AGAP1: variants seen among roughly 807,000 people sequenced by gnomAD.
AGAP1 encodes the protein ArfGAP with GTPase domain, ankyrin repeat and PH domain 1.
AGAP1 carries 29 observed loss-of-function variants against 105.3 expected under a neutral mutation model. That is an observed-to-expected ratio of 0.28 (90% CI 0.21 to 0.38). The LOEUF is 0.38. Among genes scored for constraint, AGAP1 ranks in the 10% least tolerant of loss-of-function variants. AGAP1 has a pLI of 1.00. For synonymous variants in AGAP1, 509 were observed against 485.9 expected, an observed-to-expected ratio of 1.05 and a Z score of -0.63; for missense variants, 998 against 1,165.1, an observed-to-expected ratio of 0.86 and a Z score of 2.09.
At chr2:235,562,290 A>G (rs894445544) in intron 1 of AGAP1, among the ~76,000 whole-genome samples, 4 of 152,112 alleles carry the variant, frequency 2.6e-5, no homozygotes, top group African/African-American at 9.7e-5. Flanking sequence ...AAGTGATTAT[A>G]GCACGTGATT....
intron 1 of AGAP1, among the ~76,000 whole-genome samples, chr2:235,641,688 ATATTT>A (rs1947203540): frequency 1.3e-5 from 2 of 152,218 alleles, no homozygotes; most frequent in East Asian, 1.9e-4. Flanking sequence ...TTAAAAATAC[ATATTT>A]TATTTATTTC....
At chr2:235,514,062 T>C (rs1194126526) in intron 1 of AGAP1, among the ~76,000 whole-genome samples, 1 of 152,252 alleles carries the variant, frequency 6.6e-6, no homozygotes, top group Non-Finnish European at 1.5e-5. Flanking sequence ...TGTGGGTGTT[T>C]ATGTGTACAG....
chr2:235,562,899 A>G (rs1461519717), intron 1 of AGAP1, among the ~76,000 whole-genome samples: 1 of 152,096 alleles, frequency 6.6e-6, no homozygotes, highest in Admixed American at 6.5e-5. Flanking sequence ...CTCTTTTAAA[A>G]AATACAAAAA....
At chr2:236,116,350 TTAAG>T (rs2059768942) in intron 16 of AGAP1, among the ~76,000 whole-genome samples, 1 of 140,136 alleles carries the variant, frequency 7.1e-6, no homozygotes, top group Admixed American at 7.1e-5. Context: ...ATTTGGTTAA[TTAAG>T]TTCTTTTTTT....
At chr2:236,028,590 C>T (rs922167963) in intron 13 of AGAP1, among the ~76,000 whole-genome samples, 2 of 152,154 alleles carry the variant, frequency 1.3e-5, no homozygotes, top group African/African-American at 2.4e-5. Flanking sequence ...CATTTGCCAA[C>T]TGCTGTTATG....
At chr2:235,764,030 T>TGACCCGTGCGTGGCTG (rs552845949) in intron 6 of AGAP1, among the ~76,000 whole-genome samples, 14 of 140,832 alleles carry the variant, frequency 9.9e-5, no homozygotes, top group East Asian at 2.0e-4. Flanking sequence ...GTGCGTGGCT[T>TGACCCGTGCGTGGCTG]TGGCCCGTGC....
intron 16 of AGAP1, among the ~76,000 whole-genome samples, chr2:236,085,679 G>A (rs2058910656): frequency 6.6e-6 from 1 of 152,248 alleles, no homozygotes; most frequent in Admixed American, 6.5e-5. Flanking sequence ...GAGGACTGGG[G>A]GCTGGAAGAG....
At chr2:235,798,700 G>T (rs755163103) in intron 7 of AGAP1, among the ~76,000 whole-genome samples, 1 of 151,910 alleles carries the variant, frequency 6.6e-6, no homozygotes, top group Non-Finnish European at 1.5e-5. Flanking sequence ...CAACGTGGCA[G>T]AACCACACCT....
Position 236,122,771 on chromosome 2 carries a change from C to T in AGAP1, c.2371-1148C>T, listed in dbSNP as rs183320460. ...GATCTCGGCTCACTGCAACCTCTGC[C>T]TCCCGGGTTCAAGCAATTCTCCTGC... is the stretch of plus-strand genomic sequence containing the variant. On this transcript the variant is annotated intron_variant, in intron 17 of 17. Transcript: ENST00000304032. Among the ~76,000 whole-genome samples, 211 of 150,066 alleles carry T rather than the reference C, an allele frequency of 1.4e-3. 3 individuals are homozygous for T. Among genetic ancestry groups the T allele is most frequent in the Middle Eastern group, 7.2e-3 (2 of 278 alleles).
intron 1 of AGAP1, among the ~76,000 whole-genome samples, chr2:235,696,784 G>A (rs1006723731): frequency 6.6e-6 from 1 of 152,016 alleles, no homozygotes; most frequent in African/African-American, 2.4e-5. Flanking sequence ...CCTTATACGA[G>A]ACCATCCCAG....
chr2:236,009,624 C>A lies in AGAP1; in HGVS notation c.1646-26937C>A, dbSNP rs1215667543. On this transcript the variant is annotated intron_variant, in intron 13 of 17. Transcript: ENST00000304032. This position sits in a 1 kb window ranked among gnomAD's most constrained non-coding sequence, Gnocchi z 4.2. ...AATAGAGAGGGCTATTTGTTTCATTCAAAGACAAGACATTGTTAGAAATGA... is the reference window on the plus strand; with the variant it reads ...AATAGAGAGGGCTATTTGTTTCATTAAAAGACAAGACATTGTTAGAAATGA... Among the ~76,000 whole-genome samples, 2 of 152,150 alleles carry A rather than the reference C, an allele frequency of 1.3e-5. No homozygotes were observed. Among genetic ancestry groups the A allele is most frequent in the Admixed American group, 6.5e-5 (1 of 15,286 alleles).
chr2:235,617,667 A>C (rs560368767), intron 1 of AGAP1, among the ~76,000 whole-genome samples: 2 of 152,302 alleles, frequency 1.3e-5, no homozygotes, highest in African/African-American at 2.4e-5. Context: ...CCGCCACTGC[A>C]CTCCAGCCTT....
Position 235,655,902 on chromosome 2 carries a change from G to A in AGAP1, c.164-53277G>A, listed in dbSNP as rs1368476454. ...TGGAATATGACCCTGGGTTTTGTAT[G>A]GAAAAGGGAGGGGGCAGTGCAGGAT... is the stretch of plus-strand genomic sequence containing the variant. On this transcript the variant is annotated intron_variant, in intron 1 of 17. Transcript: ENST00000304032. The surrounding 1 kb of genome is among the most constrained non-coding windows in gnomAD (Gnocchi z 4.3). Among the ~76,000 whole-genome samples, 3 of 152,210 alleles carry A rather than the reference G, an allele frequency of 2.0e-5. No homozygotes were observed. The highest frequency in any genetic ancestry group is 7.2e-5 in the African/African-American group (3 of 41,446).
chr2:235,791,666 G>A (rs1193201855), intron 6 of AGAP1, among the ~76,000 whole-genome samples: 2 of 152,050 alleles, frequency 1.3e-5, no homozygotes, highest in Admixed American at 1.3e-4. Context: ...TCCTGCCTCA[G>A]TCTCCCAAGT....
chr2:236,093,033 G>T (rs1019639482), intron 16 of AGAP1, among the ~76,000 whole-genome samples: 8 of 152,214 alleles, frequency 5.3e-5, no homozygotes, highest in African/African-American at 1.9e-4. Context: ...TTAAACATGG[G>T]TCCACGACGA....
intron 13 of AGAP1, among the ~76,000 whole-genome samples, chr2:235,990,188 A>G (rs1185074074): frequency 1.3e-5 from 2 of 152,158 alleles, no homozygotes; most frequent in Admixed American, 6.5e-5. Context: ...AAGCTCAAAT[A>G]TTATCTGTTA....
rs1229189537 is a variant in AGAP1, at chr2:236,003,032, A to C, written c.1646-33529A>C. ...AGAACTAACACAGAAGTAAGTTAGA[A>C]AATTACTCACGTATTCGCCCACTGT... On this transcript the variant is annotated intron_variant, in intron 13 of 17. Coordinates refer to ENST00000304032, the MANE Select transcript of AGAP1 (RefSeq NM_001037131.3). This position sits in a 1 kb window ranked among gnomAD's most constrained non-coding sequence, Gnocchi z 4.2. Among the ~76,000 whole-genome samples, 1 of 152,022 alleles carries C rather than the reference A, an allele frequency of 6.6e-6. No individual in the cohort carries two copies. Among genetic ancestry groups the C allele is most frequent in the Non-Finnish European group, 1.5e-5 (1 of 68,030 alleles).
intron 16 of AGAP1, among the ~76,000 whole-genome samples, chr2:236,059,919 C>T (rs1427874706): frequency 2.0e-5 from 3 of 152,092 alleles, no homozygotes; most frequent in East Asian, 1.9e-4. Context: ...GGTGAAACCC[C>T]GTCTCTCCTA....
Position 235,751,374 on chromosome 2 carries a change from G to T in AGAP1, c.673+886G>T, listed in dbSNP as rs1412923387. On this transcript the variant is annotated intron_variant, in intron 6 of 17. Transcript: ENST00000304032. The surrounding 1 kb of genome is among the most constrained non-coding windows in gnomAD (Gnocchi z 5.3). Reference sequence around the variant, plus strand: ...CTTCTGGTTTAAATCCATGGGGGCAGAGCCACCTGTCCCCCTGCTCTGGTG... The same window carrying T: ...CTTCTGGTTTAAATCCATGGGGGCATAGCCACCTGTCCCCCTGCTCTGGTG... Among the ~76,000 whole-genome samples the T allele has an allele frequency of 6.6e-6, 1 of 152,112 alleles. No individual in the cohort carries two copies. The highest frequency in any genetic ancestry group is 2.4e-5 in the African/African-American group (1 of 41,424).
Sources: gnomAD v4.1 joint callset for allele counts (sites outside exome capture counted in the v4.1 genomes callset) on GRCh38, gnomAD v4.1.1 for gene constraint, Gnocchi (gnomAD v3.1) non-coding constraint, MANE v1.5 for transcripts, NCBI Gene and HGNC (gene_info 2026-07-23, HGNC 2026-07-21) for gene names.